The following ACTR3C variants were observed in gnomAD, a reference collection of about 807,000 sequenced individuals.
ACTR3C encodes the protein actin-related protein 3C.
A neutral mutation model predicts 26.3 loss-of-function variants in ACTR3C; 18 were observed. The observed-to-expected ratio is 0.68, with a 90% CI of 0.47 to 1.01. ACTR3C has a LOEUF of 1.01. Ranked by LOEUF, ACTR3C falls within the 50% of genes least tolerant of loss-of-function variation. The pLI is 0.00. For missense variants in ACTR3C, 184 were observed against 250.7 expected (o/e 0.73, Z 1.80); for synonymous variants, 55 against 94.5 (o/e 0.58, Z 2.42).
chr7:149,960,816 G>C, the ACTR3C span, among the ~76,000 whole-genome samples: 3 of 152,316 alleles, frequency 2.0e-5, no homozygotes, highest in South Asian at 6.2e-4. Flanking sequence ...CAGAGTTCTG[G>C]GGTGGTAAAG....
chr7:150,023,302 G>GATACATACATACATAC, the ACTR3C span, among the ~76,000 whole-genome samples: 1 of 42,566 alleles, frequency 2.3e-5, no homozygotes, highest in African/African-American at 8.5e-5. Context: ...TAGATAGATA[G>GATACATACATACATAC]ATAGATAGAT....
At chr7:150,045,503 T>C in the ACTR3C span, among the ~76,000 whole-genome samples, 5 of 151,776 alleles carry the variant, frequency 3.3e-5, no homozygotes, top group Admixed American at 3.3e-4. Flanking sequence ...CATATATATA[T>C]CGGGAGTATA....
At chr7:150,198,789 G>T in the ACTR3C span, among the ~76,000 whole-genome samples, 1 of 125,208 alleles carries the variant, frequency 8.0e-6, no homozygotes, top group African/African-American at 3.8e-5. Flanking sequence ...CAGCCGTGCC[G>T]TCCGGGAGGG....
chr7:149,889,018 T>A, the ACTR3C span, among the ~76,000 whole-genome samples: 9 of 148,076 alleles, frequency 6.1e-5, no homozygotes, highest in Non-Finnish European at 9.0e-5. Context: ...GAAAAAAAAA[T>A]AAAAAATAAT....
At chr7:149,952,755 A>G in the ACTR3C span, among the ~76,000 whole-genome samples, 2 of 151,312 alleles carry the variant, frequency 1.3e-5, no homozygotes, top group Non-Finnish European at 2.9e-5. Flanking sequence ...AAAAAATGCA[A>G]ATTAGTAGAG....
chr7:150,244,693 G>C (rs1832374350), downstream of ACTR3C: 1 of 162,358 alleles, frequency 6.2e-6, no homozygotes, highest in East Asian at 1.5e-4. Context: ...AGAGAGAGAG[G>C]ACGGCCTGAG....
In ACTR3C at chr7:150,274,998, G is replaced by A. The variant is rs1417143916; in HGVS notation, c.564+9755C>T. 4.6e-5 allele frequency among the ~76,000 whole-genome samples: 7 copies of A among 152,106 alleles called. No individual in the cohort carries two copies. The South Asian group carries it at 6.2e-4, about 13-fold the overall frequency. Reference sequence around the variant, plus strand: ...CAGAACTGCAACTGGAAATCCAAACGCATTCAAAAACTGGCTAAGGCAGGT... The same window carrying A: ...CAGAACTGCAACTGGAAATCCAAACACATTCAAAAACTGGCTAAGGCAGGT... On this transcript the variant is annotated intron_variant, in intron 6 of 7. Transcript: ENST00000683684. This position sits in a 1 kb window ranked among gnomAD's most constrained non-coding sequence, Gnocchi z 4.1.
the ACTR3C span, among the ~76,000 whole-genome samples, chr7:150,039,795 G>C: frequency 8.7e-4 from 115 of 131,964 alleles, no homozygotes; most frequent in African/African-American, 1.4e-3. Flanking sequence ...AAGAGGGACT[G>C]GCTCTCAGTC....
chr7:150,299,486 A>AC lies in ACTR3C; in HGVS notation c.-51-4140_-51-4139insG, dbSNP rs1329499777. 8.6e-4 allele frequency among the ~76,000 whole-genome samples: 124 copies of AC among 144,020 alleles called. 1 individual carries two copies. The highest frequency in any genetic ancestry group is 1.4e-3 in the Non-Finnish European group (92 of 66,864). The allele number at this position is 144,020 out of a possible 152,430, so 94.5% of individuals were successfully genotyped here. The stretch of plus-strand genomic sequence containing the variant: ...TCTCAAAAAAAAAAAAAAAAAAAAA[A>AC]AAAAAAAACAAAAAACAGGCTGGGT... On this transcript the variant is annotated intron_variant, in intron 1 of 7. Transcript: ENST00000683684.
the ACTR3C span, among the ~76,000 whole-genome samples, chr7:150,064,051 A>G: frequency 6.6e-6 from 1 of 151,946 alleles, no homozygotes; most frequent in Non-Finnish European, 1.5e-5. Flanking sequence ...TTCCAATCGT[A>G]CTTCCAGAAA....
At chr7:150,032,206 C>T in the ACTR3C span, among the ~76,000 whole-genome samples, 1 of 152,208 alleles carries the variant, frequency 6.6e-6, no homozygotes, top group Non-Finnish European at 1.5e-5. Context: ...GATGCAGGAA[C>T]AGTCACCCAT....
the ACTR3C span, among the ~76,000 whole-genome samples, chr7:150,055,540 AAGAATGC>A: frequency 7.2e-5 from 11 of 152,088 alleles, no homozygotes. Flanking sequence ...AGAATCAAAA[AAGAATGC>A]AGTCCATTTA....
chr7:150,321,193 C>T (rs1797473986), intron 1 of ACTR3C, among the ~76,000 whole-genome samples: 2 of 152,206 alleles, frequency 1.3e-5, no homozygotes, highest in Non-Finnish European at 2.9e-5. Context: ...CTGACTTCCA[C>T]CCTGTTGCTT....
chr7:150,202,989 C>T, the ACTR3C span, among the ~76,000 whole-genome samples: 3 of 152,284 alleles, frequency 2.0e-5, no homozygotes, highest in African/African-American at 4.8e-5. Flanking sequence ...ACCGTTTTCA[C>T]GAAATGAAAG....
chr7:149,945,888 T>A, the ACTR3C span, among the ~76,000 whole-genome samples: 1 of 152,112 alleles, frequency 6.6e-6, no homozygotes, highest in South Asian at 2.1e-4. Context: ...TCTGGACCCA[T>A]TGCAGACAAG....
At chr7:149,918,376 A>G in the ACTR3C span, among the ~76,000 whole-genome samples, 1 of 152,164 alleles carries the variant, frequency 6.6e-6, no homozygotes, top group Non-Finnish European at 1.5e-5. Flanking sequence ...AAAATTTTTA[A>G]GCAATTATTT....
At chr7:149,979,475 A>G in the ACTR3C span, among the ~76,000 whole-genome samples, 14 of 152,342 alleles carry the variant, frequency 9.2e-5, no homozygotes, top group East Asian at 2.7e-3. Context: ...ATAGGAGAAG[A>G]ACAAGACAGG....
At chr7:149,939,596 C>T in the ACTR3C span, among the ~76,000 whole-genome samples, 1 of 152,032 alleles carries the variant, frequency 6.6e-6, no homozygotes, top group East Asian at 1.9e-4. Context: ...GGGAAGGGAC[C>T]TGTGCTGGGC....
At chr7:150,045,627 TA>T in the ACTR3C span, among the ~76,000 whole-genome samples, 1 of 151,340 alleles carries the variant, frequency 6.6e-6, no homozygotes, top group South Asian at 2.1e-4. Context: ...AGAACCCCAT[TA>T]AAAAATGTAC....
Sources: gnomAD v4.1 joint callset for allele counts (sites outside exome capture counted in the v4.1 genomes callset) on GRCh38, gnomAD v4.1.1 for gene constraint, Gnocchi (gnomAD v3.1) non-coding constraint, MANE v1.5 for transcripts, NCBI Gene and HGNC (gene_info 2026-07-23, HGNC 2026-07-21) for gene names.